Variants in SH3PXD2A observed in about 807,000 individuals in gnomAD.
SH3PXD2A encodes SH3 and PX domain-containing protein 2A.
A neutral mutation model predicts 115.2 loss-of-function variants in SH3PXD2A; 32 were observed. The ratio of observed to expected loss-of-function variants is 0.28; its 90% CI spans 0.21 to 0.37. The LOEUF is 0.37. SH3PXD2A is among the 10% of genes least tolerant of loss of function. The pLI is 1.00. For synonymous variants in SH3PXD2A, 610 were observed against 629.1 expected (o/e 0.97, Z 0.45); for missense variants, 1,328 against 1,498.7 (o/e 0.89, Z 1.88).
chr10:103,664,701 C>T (rs1433900423), intron 7 of SH3PXD2A, among the ~76,000 whole-genome samples: 2 of 145,080 alleles, frequency 1.4e-5, no homozygotes, highest in African/African-American at 5.2e-5. Flanking sequence ...GAGTCTTGCT[C>T]TGTCGCCCAG....
At chr10:103,660,446 C>T (rs1236249157) in intron 8 of SH3PXD2A, among the ~76,000 whole-genome samples, 4 of 152,188 alleles carry the variant, frequency 2.6e-5, no homozygotes, top group Non-Finnish European at 5.9e-5. Context: ...CTTTCCAGGT[C>T]CTGGGGCCTC....
chr10:103,598,106 T>C lies in SH3PXD2A; in HGVS notation c.*3710A>G, dbSNP rs1395032328. On this transcript the variant is annotated 3_prime_UTR_variant, in exon 15 of 15. Coordinates refer to ENST00000369774, the MANE Select transcript of SH3PXD2A (RefSeq NM_001394015.1). ...ACGCTGCTCTAACATCTGAAAGTGA[T>C]TAAAATGATTCTATATAATGCCTTC... is the stretch of plus-strand genomic sequence containing the variant. 2 of 152,646 alleles carry C rather than the reference T, an allele frequency of 1.3e-5. No individual in the cohort carries two copies. Among genetic ancestry groups the C allele is most frequent in the African/African-American group, 4.8e-5 (2 of 41,450 alleles). 9.5% of individuals were successfully genotyped at this position (152,646 alleles called of 1,614,324 possible).
At chr10:103,843,378 T>A (rs901989443) in intron 1 of SH3PXD2A, among the ~76,000 whole-genome samples, 4 of 152,236 alleles carry the variant, frequency 2.6e-5, no homozygotes, top group Admixed American at 6.5e-5. Flanking sequence ...AGCATGGGGC[T>A]GAAAATACCA....
At chr10:103,801,573 C>T in intron 1 of SH3PXD2A, among the ~76,000 whole-genome samples, 1 of 41,244 alleles carries the variant, frequency 2.4e-5, no homozygotes, top group Non-Finnish European at 5.6e-5. Flanking sequence ...ACACATACCC[C>T]TAGAGGGATA....
chr10:103,621,679 T>C (rs1214000295), intron 10 of SH3PXD2A, among the ~76,000 whole-genome samples: 6 of 152,172 alleles, frequency 3.9e-5, no homozygotes, highest in Non-Finnish European at 8.8e-5. Flanking sequence ...GGACTGCAGA[T>C]GTTTAAGGGT....
At position 103,602,446 on chromosome 10, in the gene SH3PXD2A, G is replaced by A; in HGVS notation, c.2772C>T (p.Asp924=). 2 of 1,614,156 alleles carry A rather than the reference G, an allele frequency of 1.2e-6. No homozygotes were observed. The highest frequency in any genetic ancestry group is 2.2e-5 in the South Asian group (2 of 91,084). The change falls in exon 15 of 15, where the codon GAC becomes GAT. Residue 924 remains aspartate (D), a synonymous_variant. Coordinates refer to ENST00000369774, the MANE Select transcript of SH3PXD2A (RefSeq NM_001394015.1). ...AKGRQNEGKS[D]SLEKIERRVQ... ...CGCGCCTCTCGATCTTCTCCAGGCT[G>A]TCTGATTTGCCTTCGTTCTGCCTGC...
chr10:103,684,910 C>T (rs925288487), intron 6 of SH3PXD2A, among the ~76,000 whole-genome samples: 5 of 152,078 alleles, frequency 3.3e-5, no homozygotes, highest in Admixed American at 1.3e-4. Context: ...GTCCCAACTA[C>T]TCAGAAGGCT....
chr10:103,815,148 G>A (rs1053477459), intron 1 of SH3PXD2A, among the ~76,000 whole-genome samples: 5 of 152,168 alleles, frequency 3.3e-5, no homozygotes. Flanking sequence ...CCTTGAATTA[G>A]TCAAGGGTTT....
chr10:103,730,228 GTTTC>G (rs1402101165), intron 4 of SH3PXD2A, among the ~76,000 whole-genome samples: 1 of 112,480 alleles, frequency 8.9e-6, no homozygotes, highest in Non-Finnish European at 1.8e-5. Context: ...TTCTTTTCTC[GTTTC>G]TTTTTTTTTT....
chr10:103,694,298 G>A (rs1332908157), intron 5 of SH3PXD2A, among the ~76,000 whole-genome samples: 2 of 151,860 alleles, frequency 1.3e-5, no homozygotes, highest in Non-Finnish European at 2.9e-5. Flanking sequence ...GGGGGGATGC[G>A]GTGGAAGGGG....
At chr10:103,815,298 G>A (rs1158430419) in intron 1 of SH3PXD2A, among the ~76,000 whole-genome samples, 1 of 151,786 alleles carries the variant, frequency 6.6e-6, no homozygotes, top group Admixed American at 6.6e-5. Flanking sequence ...ATATTTTCAA[G>A]TCATTTGCAA....
At chr10:103,630,745 T>TAAA (rs57562821) in intron 8 of SH3PXD2A, among the ~76,000 whole-genome samples, 14 of 117,410 alleles carry the variant, frequency 1.2e-4, no homozygotes, top group Middle Eastern at 4.6e-3. Context: ...TCCCTTCTCT[T>TAAA]AAAAAAAAAA....
chr10:103,624,287 G>A (rs1470119240), intron 9 of SH3PXD2A, among the ~76,000 whole-genome samples: 1 of 152,228 alleles, frequency 6.6e-6, no homozygotes. Flanking sequence ...ACAGAAGACC[G>A]TGGTCTGTTC....
chr10:103,769,094 G>T (rs949298419), intron 2 of SH3PXD2A, among the ~76,000 whole-genome samples: 1 of 151,708 alleles, frequency 6.6e-6, no homozygotes, highest in Non-Finnish European at 1.5e-5. Flanking sequence ...GACTTGGGGG[G>T]AACAAATATC....
intron 5 of SH3PXD2A, among the ~76,000 whole-genome samples, chr10:103,696,817 A>G (rs1206955805): frequency 6.6e-6 from 1 of 152,172 alleles, no homozygotes; most frequent in Non-Finnish European, 1.5e-5. Context: ...GGGGTGACTC[A>G]AACCACAGGT....
chr10:103,705,012 C>CCCTAGGTAATA (rs1245775994), intron 5 of SH3PXD2A, among the ~76,000 whole-genome samples: 2 of 152,122 alleles, frequency 1.3e-5, no homozygotes, highest in African/African-American at 4.8e-5. Flanking sequence ...CATCCAGGAA[C>CCCTAGGTAATA]CCTAGGTAAT....
At chr10:103,849,115 G>A (rs1388772119) in intron 1 of SH3PXD2A, among the ~76,000 whole-genome samples, 1 of 151,924 alleles carries the variant, frequency 6.6e-6, no homozygotes, top group African/African-American at 2.4e-5. Flanking sequence ...CAGCCTCCCA[G>A]GTGCACCCCT....
chr10:103,820,755 C>A (rs975980841), intron 1 of SH3PXD2A, among the ~76,000 whole-genome samples: 1 of 152,176 alleles, frequency 6.6e-6, no homozygotes, highest in Non-Finnish European at 1.5e-5. Flanking sequence ...GCGCCCCTCC[C>A]AGCCATGTCT....
chr10:103,614,767 C>T (rs778577062), intron 11 of SH3PXD2A, among the ~76,000 whole-genome samples: 4 of 152,168 alleles, frequency 2.6e-5, no homozygotes, highest in Non-Finnish European at 5.9e-5. Context: ...CCCCCCGCCC[C>T]GCCCACCGTC....
Sources: gnomAD v4.1 joint callset for allele counts (sites outside exome capture counted in the v4.1 genomes callset) on GRCh38, gnomAD v4.1.1 for gene constraint, MANE v1.5 for transcripts, NCBI Gene and HGNC (gene_info 2026-07-23, HGNC 2026-07-21) for gene names.